Variants in GK observed in about 807,000 individuals in gnomAD.
GK encodes the protein glycerol kinase, also known as ATP:glycerol 3-phosphotransferase.
GK carries 9 observed loss-of-function variants against 56.4 expected under a neutral mutation model. That is an observed-to-expected ratio of 0.16 (90% CI 0.10 to 0.28). The LOEUF (loss-of-function observed/expected upper bound fraction) is 0.28. Ranked by LOEUF, GK falls within the 10% of genes least tolerant of loss-of-function variation. GK has a pLI of 1.00. For synonymous variants in GK, 104 were observed against 144.1 expected (o/e 0.72, Z 1.99); for missense variants, 161 against 431.4 (o/e 0.37, Z 5.55).
At chrX:30,707,748 C>T (rs1936093332) in intron 12 of GK, 150 bp downstream of exon 12, 3 of 445,278 alleles carry the variant, frequency 6.7e-6, no homozygotes, top group African/African-American at 2.4e-5. Flanking sequence ...AAATTTGAAT[C>T]GTTCTAATAA....
intron 18 of GK, among the ~76,000 whole-genome samples, chrX:30,722,921 T>G (rs902750195): frequency 9.0e-6 from 1 of 111,124 alleles, no homozygotes; most frequent in Non-Finnish European, 1.9e-5. Context: ...CCACATGGGG[T>G]TCAGCACCCT....
At chrX:30,710,488 A>G (rs1011068855) in intron 13 of GK, among the ~76,000 whole-genome samples, 3 of 112,214 alleles carry the variant, frequency 2.7e-5, no homozygotes, top group African/African-American at 9.7e-5. Context: ...AAACCAAACC[A>G]AAAAACAAGG....
At chrX:30,718,466 A>C (rs775201140) in intron 13 of GK, 72 bp from the exon 14 acceptor site, 1 of 683,233 alleles carries the variant, frequency 1.5e-6, no homozygotes, top group Non-Finnish European at 2.4e-6. Flanking sequence ...TGTGTCATAC[A>C]CAGAATATGC....
intron 4 of GK, among the ~76,000 whole-genome samples, chrX:30,679,293 C>T (rs182147459): frequency 2.8e-5 from 3 of 105,847 alleles, no homozygotes; most frequent in East Asian, 3.0e-4. Context: ...GGTGCAATCT[C>T]GGCTCGCTCT....
intron 3 of GK, among the ~76,000 whole-genome samples, chrX:30,670,898 G>A (rs1206468947): frequency 6.5e-5 from 7 of 107,084 alleles, no homozygotes; most frequent in South Asian, 4.2e-4. Flanking sequence ...CAGGAGAATC[G>A]CTTGAACCCA....
rs1936851197 is a variant in GK at position 30,720,617 on chromosome X, T to C, written c.1237-4T>C. ...ATAACATTAATTGCACTGGTTTATT[T>C]AAGATTTTGGATGCCATGAATCGAG... On this transcript the variant is annotated splice_polypyrimidine_tract_variant and splice_region_variant and intron_variant, in intron 16 of 20. Coordinates refer to ENST00000427190, the MANE Select transcript of GK (RefSeq NM_001205019.2). The C allele has an allele frequency of 8.3e-7, 1 of 1,202,364 alleles. No homozygotes were observed. The highest frequency in any genetic ancestry group is 1.1e-6 in the Non-Finnish European group (1 of 887,395).
intron 4 of GK, 103 bp from the exon 5 acceptor site, chrX:30,691,020 C>A (rs1307924092): frequency 8.2e-6 from 4 of 486,286 alleles, no homozygotes; most frequent in Non-Finnish European, 1.4e-5. Flanking sequence ...AATTTTAATT[C>A]CTTATAGAAA....
At position 30,672,755 on chromosome X, in the gene GK, G is replaced by A. The variant is rs187760844; in HGVS notation, c.260-4620G>A. Among the ~76,000 whole-genome samples, 58 of 110,990 alleles carry A rather than the reference G, an allele frequency of 5.2e-4. No individual in the cohort carries two copies. The East Asian group carries it at 0.014, about 26-fold the overall frequency. ...CTTGAACCAGGGAGGCAGAGGTTGC[G>A]GTGAGCCGAGATCGCGCCACTGCAC... On this transcript the variant is annotated intron_variant, in intron 3 of 20. Transcript: ENST00000427190.
chrX:30,676,652 C>A (rs1204499178), intron 3 of GK, among the ~76,000 whole-genome samples: 1 of 111,286 alleles, frequency 9.0e-6, no homozygotes, highest in Non-Finnish European at 1.9e-5. Flanking sequence ...TCAGTTGATT[C>A]TAAAGTACAA....
chrX:30,694,448 C>T lies in GK; in HGVS notation c.463C>T (p.Arg155Cys), dbSNP rs1392194076. 3.3e-6 allele frequency: 4 copies of T among 1,200,453 alleles called. No individual in the cohort carries two copies. Among genetic ancestry groups the T allele is most frequent in the South Asian group, 1.8e-5 (1 of 56,735 alleles). The change falls in exon 6 of 21, where the codon CGT becomes TGT. Residue 155 changes from arginine (R) to cysteine (C), a missense_variant. By Grantham distance (180) the Arg-to-Cys change is radical. Transcript: ENST00000427190. ...LSTYFSAVKL[R>C]WLLDNVRKVQ... is the part of the protein sequence containing the mutation. ...CACTTACTTCAGTGCAGTGAAACTT[C>T]GTTGGCTCCTTGACAATGTGAGAAA...
rs776843793 is a variant in GK, at chrX:30,679,474, C to T, written c.337+2022C>T. 7.4e-4 allele frequency among the ~76,000 whole-genome samples: 82 copies of T among 111,278 alleles called. No homozygotes were observed. In the Middle Eastern group the frequency reaches 0.018, roughly 25 times the overall value. Reference sequence around the variant, plus strand: ...CTCAGGTGATCTGCCCACCTTGGCACGCCCGGCTAGTTCCAGTTATATTCT... The same window carrying T: ...CTCAGGTGATCTGCCCACCTTGGCATGCCCGGCTAGTTCCAGTTATATTCT... On this transcript the variant is annotated intron_variant, in intron 4 of 20. Coordinates refer to ENST00000427190, the MANE Select transcript of GK (RefSeq NM_001205019.2).
intron 3 of GK, among the ~76,000 whole-genome samples, chrX:30,675,047 AT>A (rs1423626691): frequency 9.0e-6 from 1 of 111,415 alleles, no homozygotes; most frequent in African/African-American, 3.3e-5. Context: ...AGGAAATTGG[AT>A]TGTTTAGGCT....
chrX:30,677,052 G>C (rs1449703738), intron 3 of GK, among the ~76,000 whole-genome samples: 1 of 111,558 alleles, frequency 9.0e-6, no homozygotes, highest in Non-Finnish European at 1.9e-5. Flanking sequence ...ATAATAAATT[G>C]GGTATTATAA....
chrX:30,674,393 T>A, intron 3 of GK: 1 of 330,316 alleles, frequency 3.0e-6, no homozygotes, highest in Non-Finnish European at 5.9e-6. Context: ...CTGGATCTCC[T>A]GCCAACTTTC....
intron 9 of GK, among the ~76,000 whole-genome samples, chrX:30,699,455 C>T (rs1472016502): frequency 3.9e-5 from 4 of 103,411 alleles, no homozygotes; most frequent in Admixed American, 1.1e-4. Flanking sequence ...AACCCCGCCT[C>T]CTGAGTTCAA....
At chrX:30,655,503 G>A (rs756107938) in intron 1 of GK, among the ~76,000 whole-genome samples, 34 of 112,392 alleles carry the variant, frequency 3.0e-4, no homozygotes, top group Admixed American at 2.6e-3. Flanking sequence ...TTAAAAGCAG[G>A]TAGTCTAGAG....
At chrX:30,696,850 A>T (rs768614591) in intron 8 of GK, 167 bp downstream of exon 8, 79 of 457,451 alleles carry the variant, frequency 1.7e-4, no homozygotes, top group Non-Finnish European at 2.9e-4. Flanking sequence ...CCTTTTTACA[A>T]TGGATTTGCA....
rs762429788 is a variant in GK at position 30,708,157 on chromosome X, G to A, written c.975+23G>A. The A allele has an allele frequency of 9.1e-6, 7 of 765,170 alleles. No individual in the cohort carries two copies. In the Admixed American group the frequency reaches 1.5e-4, roughly 16 times the overall value. 63.1% of individuals were successfully genotyped at this position (765,170 alleles called of 1,213,427 possible). The stretch of plus-strand genomic sequence containing the variant: ...GAAGTAAGTTCTTTTTAATCAATAT[G>A]GATAATATGACAAACATTCAAAGCT... On this transcript the variant is annotated intron_variant, in intron 13 of 20. Coordinates refer to ENST00000427190, the MANE Select transcript of GK (RefSeq NM_001205019.2).
At chrX:30,699,368 C>CACT (rs1555916740) in intron 9 of GK, among the ~76,000 whole-genome samples, 18 of 79,897 alleles carry the variant, frequency 2.3e-4, no homozygotes, top group South Asian at 6.7e-4. Context: ...TACACACACA[C>CACT]TTTTTTTTTT....
Sources: gnomAD v4.1 joint callset for allele counts (sites outside exome capture counted in the v4.1 genomes callset) on GRCh38, gnomAD v4.1.1 for gene constraint, MANE v1.5 for transcripts, NCBI Gene and HGNC (gene_info 2026-07-23, HGNC 2026-07-21) for gene names.